LRRN3: variants seen among roughly 807,000 people sequenced by gnomAD.
LRRN3 encodes leucine-rich repeat neuronal protein 3.
LRRN3 carries 15 observed loss-of-function variants against 40.1 expected under a neutral mutation model. That is an observed-to-expected ratio of 0.37 (90% CI 0.25 to 0.58). LRRN3 has a LOEUF of 0.58. LRRN3 is among the 20% of genes least tolerant of loss of function. The pLI is 0.72. For missense variants in LRRN3, 746 were observed against 837.7 expected (o/e 0.89, Z 1.35); for synonymous variants, 308 against 297.2 (o/e 1.04, Z -0.37).
At chr7:111,104,402 T>G (rs1223166276) in intron 2 of LRRN3, among the ~76,000 whole-genome samples, 1 of 151,880 alleles carries the variant, frequency 6.6e-6, no homozygotes, top group African/African-American at 2.4e-5. Context: ...TACATTTTGT[T>G]CTAGAAATTG....
chr7:111,116,314 T>TA (rs1337627890), intron 2 of LRRN3, among the ~76,000 whole-genome samples: 4 of 152,144 alleles, frequency 2.6e-5, no homozygotes, highest in Non-Finnish European at 5.9e-5. Flanking sequence ...CCCCTCCTTT[T>TA]AAAAAAATCT....
intron 2 of LRRN3, among the ~76,000 whole-genome samples, chr7:111,108,149 C>T (rs1798760565): frequency 6.6e-6 from 1 of 152,090 alleles, no homozygotes; most frequent in African/African-American, 2.4e-5. Context: ...GAGACAAAAA[C>T]CTCACAGATT....
At chr7:111,095,141 G>T (rs959252681) in intron 1 of LRRN3, among the ~76,000 whole-genome samples, 3 of 151,894 alleles carry the variant, frequency 2.0e-5, no homozygotes, top group Non-Finnish European at 4.4e-5. Context: ...CAGGAGACGG[G>T]GAATAAAGAG....
chr7:111,098,937 T>A (rs988257966), intron 1 of LRRN3, among the ~76,000 whole-genome samples: 1 of 151,786 alleles, frequency 6.6e-6, no homozygotes, highest in Non-Finnish European at 1.5e-5. Flanking sequence ...TAGTTTCATA[T>A]CATGCATTCT....
At chr7:111,103,802 T>C (rs1563245836) in intron 2 of LRRN3, among the ~76,000 whole-genome samples, 1 of 151,634 alleles carries the variant, frequency 6.6e-6, no homozygotes, top group African/African-American at 2.4e-5. Flanking sequence ...TCCTTTCAAG[T>C]AGGTACCATT....
At chr7:111,103,495 T>G (rs1230464830) in intron 2 of LRRN3, among the ~76,000 whole-genome samples, 1 of 151,654 alleles carries the variant, frequency 6.6e-6, no homozygotes, top group African/African-American at 2.4e-5. Flanking sequence ...TTAGAATTAT[T>G]TTCACAGAAA....
At position 111,123,685 on chromosome 7, in the gene LRRN3, G is replaced by A. The variant is rs1800930480; in HGVS notation, c.913G>A (p.Val305Met). Residue 305 changes from valine (V) to methionine (M), a missense_variant, in exon 3 of 3, where the codon GTG becomes ATG. Transcript: ENST00000308478. This position sits in a 1 kb window ranked among gnomAD's most constrained non-coding sequence, Gnocchi z 6.4. ...PELISIDSLA[V>M]DNLPDLRKIE... is the part of the protein sequence containing the mutation. ...GCTGATTTCCATCGATAGTCTTGCT[G>A]TGGATAACCTGCCAGATTTAAGAAA... 1.2e-6 allele frequency: 2 copies of A among 1,613,918 alleles called. No homozygotes were observed. Among genetic ancestry groups the A allele is most frequent in the Non-Finnish European group, 8.5e-7 (1 of 1,179,962 alleles).
chr7:111,122,173 G>A (rs1189834935), intron 2 of LRRN3, among the ~76,000 whole-genome samples: 1 of 151,852 alleles, frequency 6.6e-6, no homozygotes, highest in Non-Finnish European at 1.5e-5. Context: ...GTATACATAT[G>A]TAACAAACCT....
At chr7:111,102,083 TAA>T (rs879353268) in intron 2 of LRRN3, among the ~76,000 whole-genome samples, 1 of 145,290 alleles carries the variant, frequency 6.9e-6, no homozygotes, top group African/African-American at 2.5e-5. Context: ...TCAATTTCTT[TAA>T]AAAAAAAAAA....
intron 2 of LRRN3, among the ~76,000 whole-genome samples, chr7:111,112,539 A>T (rs768110033): frequency 3.3e-5 from 5 of 152,220 alleles, no homozygotes; most frequent in South Asian, 2.1e-4. Context: ...TTGAAACTCA[A>T]AGCCATAATT....
At chr7:111,118,015 A>AT (rs1347444882) in intron 2 of LRRN3, among the ~76,000 whole-genome samples, 1 of 152,018 alleles carries the variant, frequency 6.6e-6, no homozygotes, top group Non-Finnish European at 1.5e-5. Context: ...ACCCCAGCTG[A>AT]TTTTTCATAA....
chr7:111,107,360 G>A (rs146261067), intron 2 of LRRN3, among the ~76,000 whole-genome samples: 251 of 152,100 alleles, frequency 1.7e-3, no homozygotes, highest in African/African-American at 4.9e-3. Flanking sequence ...TCAACATTCT[G>A]TTGTAAACAG....
Position 111,122,738 on chromosome 7 carries a change from A to C in LRRN3, c.-35A>C. The C allele has an allele frequency of 3.6e-4, 509 of 1,417,996 alleles. No individual in the cohort carries two copies. Among genetic ancestry groups the C allele is most frequent in the Non-Finnish European group, 4.6e-4 (465 of 1,014,430 alleles). 87.8% of individuals were successfully genotyped at this position (1,417,996 alleles called of 1,614,324 possible). A position where few individuals can be genotyped will look rare whatever the true frequency, so the allele number is the denominator to read the frequency against. On this transcript the variant is annotated 5_prime_UTR_variant, in exon 3 of 3. Coordinates refer to ENST00000308478, the MANE Select transcript of LRRN3 (RefSeq NM_001099658.2). ...TACTAGCACTGACTGTGGAATCCTTAAGGGCCCATTACATTTCTGAAGAAG... is the reference window on the plus strand; with the variant it reads ...TACTAGCACTGACTGTGGAATCCTTCAGGGCCCATTACATTTCTGAAGAAG...
intron 2 of LRRN3, among the ~76,000 whole-genome samples, chr7:111,113,904 A>G (rs1299409376): frequency 6.6e-6 from 1 of 152,184 alleles, no homozygotes; most frequent in Non-Finnish European, 1.5e-5. Context: ...GCTTTTAGAG[A>G]CCAAAACTTA....
chr7:111,102,471 T>C (rs1798079723), intron 2 of LRRN3, among the ~76,000 whole-genome samples: 1 of 151,622 alleles, frequency 6.6e-6, no homozygotes, highest in Non-Finnish European at 1.5e-5. Context: ...TGTCATTTTA[T>C]TGACAGTAAT....
chr7:111,119,537 G>C (rs575299595), intron 2 of LRRN3, among the ~76,000 whole-genome samples: 92 of 152,198 alleles, frequency 6.0e-4, no homozygotes, highest in Non-Finnish European at 1.2e-3. Flanking sequence ...CTTTGTATTA[G>C]CCTGAATTTT....
chr7:111,123,843 G>C lies in LRRN3; in HGVS notation c.1071G>C (p.Leu357=), dbSNP rs763256931. The change falls in exon 3 of 3, where the codon CTG becomes CTC. Residue 357 remains leucine (L), a synonymous_variant. Transcript: ENST00000308478. This position sits in a 1 kb window ranked among gnomAD's most constrained non-coding sequence, Gnocchi z 6.4. ...TGTACCATGGTACCATTGAGTCTCT[G>C]CCAAACCTCAAGGAAATCAGCATAC... ...SALYHGTIES[L]PNLKEISIHS... is the part of the protein sequence containing the mutation. 1 of 1,613,966 alleles carries C rather than the reference G, an allele frequency of 6.2e-7. No homozygotes were observed. The highest frequency in any genetic ancestry group is 1.1e-5 in the South Asian group (1 of 91,078).
chr7:111,100,429 T>A (rs540487352), intron 2 of LRRN3, among the ~76,000 whole-genome samples: 122 of 148,064 alleles, frequency 8.2e-4, no homozygotes, highest in African/African-American at 3.0e-3. Flanking sequence ...TAATAAAATA[T>A]ATGTAATGAA....
chr7:111,094,029 G>A (rs1797143016), intron 1 of LRRN3, among the ~76,000 whole-genome samples: 1 of 152,094 alleles, frequency 6.6e-6, no homozygotes, highest in African/African-American at 2.4e-5. Context: ...TACAAAAAAG[G>A]TGATCAACTT....
Sources: gnomAD v4.1 joint callset for allele counts (sites outside exome capture counted in the v4.1 genomes callset) on GRCh38, gnomAD v4.1.1 for gene constraint, Gnocchi (gnomAD v3.1) non-coding constraint, MANE v1.5 for transcripts, NCBI Gene and HGNC (gene_info 2026-07-23, HGNC 2026-07-21) for gene names.